Variants in HABP4 observed in about 807,000 individuals in gnomAD.
The protein encoded by HABP4 is intracellular hyaluronan-binding protein 4.
HABP4 carries 32 observed loss-of-function variants against 44.1 expected under a neutral mutation model. That is an observed-to-expected ratio of 0.73 (90% CI 0.55 to 0.97). The LOEUF is 0.97. Ranked by LOEUF, HABP4 falls within the 50% of genes least tolerant of loss-of-function variation. The pLI is 0.00. For missense variants in HABP4, 503 were observed against 561.9 expected (o/e 0.90, Z 1.06); for synonymous variants, 216 against 218.0 (o/e 0.99, Z 0.08).
chr9:96,462,019 G>C (rs571681973), intron 2 of HABP4, among the ~76,000 whole-genome samples: 3 of 151,612 alleles, frequency 2.0e-5, no homozygotes, highest in African/African-American at 4.8e-5. Flanking sequence ...AGTGGGGTGC[G>C]CCTGTAATCC....
intron 1 of HABP4, among the ~76,000 whole-genome samples, chr9:96,454,670 A>G (rs1232415249): frequency 6.6e-6 from 1 of 151,982 alleles, no homozygotes; most frequent in Non-Finnish European, 1.5e-5. Context: ...GGATGGTCTC[A>G]ATCTCCTGAT....
At position 96,491,257 on chromosome 9, in the gene HABP4, T is replaced by G. The variant is rs1471149166; in HGVS notation, c.*1219T>G. 1 of 152,270 alleles carries G rather than the reference T, an allele frequency of 6.6e-6. No individual in the cohort carries two copies. Among genetic ancestry groups the G allele is most frequent in the Non-Finnish European group, 1.5e-5 (1 of 68,064 alleles). The allele number at this position is 152,270 out of a possible 1,614,324, so 9.4% of individuals were successfully genotyped here. A position where few individuals can be genotyped will look rare whatever the true frequency, so the allele number is the denominator to read the frequency against. On this transcript the variant is annotated 3_prime_UTR_variant, in exon 8 of 8. Transcript: ENST00000375249. ...TGAACCTTGGTCCCAGGATCTGTGC[T>G]TTTTCCCACTTTGCCACACTGTCTA...
chr9:96,480,633 T>C (rs1042389008), intron 5 of HABP4, among the ~76,000 whole-genome samples: 1 of 152,230 alleles, frequency 6.6e-6, no homozygotes. Context: ...ACACATTTCA[T>C]AATAAATTGT....
At chr9:96,469,773 G>A (rs997227106) in intron 4 of HABP4, among the ~76,000 whole-genome samples, 5 of 151,942 alleles carry the variant, frequency 3.3e-5, no homozygotes, top group South Asian at 4.2e-4. Flanking sequence ...CTTCTGCCTC[G>A]GCCTCCCAAA....
intron 4 of HABP4, among the ~76,000 whole-genome samples, chr9:96,469,308 C>T (rs1336601128): frequency 6.6e-6 from 1 of 152,132 alleles, no homozygotes; most frequent in Non-Finnish European, 1.5e-5. Flanking sequence ...TTTATTTGTT[C>T]TCAAAGCAAA....
intron 2 of HABP4, among the ~76,000 whole-genome samples, chr9:96,463,950 A>G (rs1020627195): frequency 6.6e-6 from 1 of 152,220 alleles, no homozygotes; most frequent in African/African-American, 2.4e-5. Flanking sequence ...GCCTTTCCAA[A>G]TTAGAAAACA....
chr9:96,451,360 GTC>G (rs1230828015), intron 1 of HABP4: 2 of 310,076 alleles, frequency 6.5e-6, no homozygotes, highest in African/African-American at 2.3e-5. Context: ...GCAGCGTGGT[GTC>G]CTGCTGCCTG....
intron 1 of HABP4, among the ~76,000 whole-genome samples, chr9:96,451,063 G>C (rs1281850552): frequency 6.6e-6 from 1 of 152,056 alleles, no homozygotes; most frequent in Non-Finnish European, 1.5e-5. Flanking sequence ...GCCTGGTCCC[G>C]GGGCTGGGGG....
chr9:96,478,002 T>C (rs777026709), intron 5 of HABP4, among the ~76,000 whole-genome samples: 4 of 152,264 alleles, frequency 2.6e-5, no homozygotes, highest in Admixed American at 2.6e-4. Flanking sequence ...GCATACTTAC[T>C]GTGTGATTTG....
chr9:96,461,745 T>A (rs35145167), intron 2 of HABP4, among the ~76,000 whole-genome samples: 3,875 of 152,320 alleles, frequency 0.025, 72 homozygotes, highest in Middle Eastern at 0.051. Context: ...ATAAAGATTC[T>A]ATAATTCTGT....
At chr9:96,472,473 T>C (rs537172723) in intron 5 of HABP4, among the ~76,000 whole-genome samples, 7 of 152,248 alleles carry the variant, frequency 4.6e-5, no homozygotes, top group Admixed American at 4.6e-4. Context: ...AGGTGGCAAC[T>C]TCATCATCCT....
intron 1 of HABP4, among the ~76,000 whole-genome samples, chr9:96,452,927 T>G (rs1266800425): frequency 6.2e-5 from 9 of 145,056 alleles, no homozygotes; most frequent in African/African-American, 1.3e-4. Flanking sequence ...TTTTTTTTTT[T>G]TTTTTTTTTT....
chr9:96,474,351 A>G (rs999978146), intron 5 of HABP4, among the ~76,000 whole-genome samples: 13 of 152,360 alleles, frequency 8.5e-5, no homozygotes, highest in African/African-American at 3.1e-4. Context: ...GCCAATAAAC[A>G]TTTATACAAA....
At position 96,486,524 on chromosome 9, in the gene HABP4, A is replaced by G. The variant is rs1383104582; in HGVS notation, c.1000-1565A>G. Among the ~76,000 whole-genome samples the G allele has an allele frequency of 2.6e-5, 4 of 152,140 alleles. No homozygotes were observed. The East Asian group carries it at 7.7e-4, about 29-fold the overall frequency. ...AATAGAAGCTGCTCTTTCTTAATCC[A>G]CACCAGATTTGTCCTCCCGGGCTCC... On this transcript the variant is annotated intron_variant, in intron 6 of 7. Coordinates refer to ENST00000375249, the MANE Select transcript of HABP4 (RefSeq NM_014282.4).
chr9:96,454,597 C>T (rs1331576422), intron 1 of HABP4, among the ~76,000 whole-genome samples: 1 of 152,022 alleles, frequency 6.6e-6, no homozygotes, highest in East Asian at 1.9e-4. Flanking sequence ...CTACAGACGC[C>T]CGCCACCACG....
At chr9:96,463,658 A>G (rs1374062134) in intron 2 of HABP4, among the ~76,000 whole-genome samples, 1 of 152,232 alleles carries the variant, frequency 6.6e-6, no homozygotes, top group Non-Finnish European at 1.5e-5. Flanking sequence ...AGAAAAGCCA[A>G]CTTGGAGAAT....
rs1233413989 is a variant in HABP4 at position 96,488,340 on chromosome 9, G to A, written c.1185+66G>A. The A allele has an allele frequency of 2.2e-5, 24 of 1,106,588 alleles. No homozygotes were observed. The highest frequency in any genetic ancestry group is 3.0e-5 in the Non-Finnish European group (23 of 774,058). 68.5% of individuals were successfully genotyped at this position (1,106,588 alleles called of 1,614,324 possible). A position where few individuals can be genotyped will look rare whatever the true frequency, so the allele number is the denominator to read the frequency against. ...AGGACAGTGCCCTGGGCCCAGGATGGTCTAATTTCAGAGGGTCATGAGTTT... is the reference window on the plus strand; with the variant it reads ...AGGACAGTGCCCTGGGCCCAGGATGATCTAATTTCAGAGGGTCATGAGTTT... On this transcript the variant is annotated intron_variant, in intron 7 of 7. Coordinates refer to ENST00000375249, the MANE Select transcript of HABP4 (RefSeq NM_014282.4). The surrounding 1 kb of genome is among the most constrained non-coding windows in gnomAD (Gnocchi z 4.6).
intron 4 of HABP4, among the ~76,000 whole-genome samples, chr9:96,466,883 G>T (rs559967059): frequency 6.6e-6 from 1 of 152,024 alleles, no homozygotes; most frequent in Non-Finnish European, 1.5e-5. Context: ...GGCTTGAGGG[G>T]ATCCAGGCTT....
Position 96,490,063 on chromosome 9 carries a change from G to A in HABP4, c.*25G>A, listed in dbSNP as rs1402219523. 8.3e-6 allele frequency: 12 copies of A among 1,450,452 alleles called. No homozygotes were observed. Among genetic ancestry groups the A allele is most frequent in the African/African-American group, 1.4e-5 (1 of 71,704 alleles). The allele number at this position is 1,450,452 out of a possible 1,614,324, so 89.8% of individuals were successfully genotyped here. A position where few individuals can be genotyped will look rare whatever the true frequency, so the allele number is the denominator to read the frequency against. The stretch of plus-strand genomic sequence containing the variant: ...AAAGAGCCCTGTTTCCCAGCACCGC[G>A]GAGCTGCACTGCACACCTGTGGGGA... On this transcript the variant is annotated 3_prime_UTR_variant, in exon 8 of 8. Coordinates refer to ENST00000375249, the MANE Select transcript of HABP4 (RefSeq NM_014282.4).
Sources: gnomAD v4.1 joint callset for allele counts (sites outside exome capture counted in the v4.1 genomes callset) on GRCh38, gnomAD v4.1.1 for gene constraint, Gnocchi (gnomAD v3.1) non-coding constraint, MANE v1.5 for transcripts, NCBI Gene and HGNC (gene_info 2026-07-23, HGNC 2026-07-21) for gene names.